The following MATK variants were observed in gnomAD, a reference collection of about 807,000 sequenced individuals.
The protein encoded by MATK is megakaryocyte-associated tyrosine kinase.
MATK carries 41 observed loss-of-function variants against 59.8 expected under a neutral mutation model. The ratio of observed to expected loss-of-function variants is 0.69; its 90% CI spans 0.53 to 0.89. The LOEUF is 0.89. Among genes scored for constraint, MATK ranks in the 40% least tolerant of loss-of-function variants. The pLI, the probability that MATK is intolerant of heterozygous loss-of-function variation, is 0.00. For synonymous variants in MATK, 308 were observed against 306.1 expected (o/e 1.01, Z -0.06); for missense variants, 593 against 719.6 (o/e 0.82, Z 2.01).
intron 7 of MATK, 69 bp downstream of exon 7, chr19:3,783,057 A>C: frequency 6.6e-7 from 1 of 1,503,812 alleles, no homozygotes; most frequent in Non-Finnish European, 9.2e-7. Flanking sequence ...GCGGGGCCCC[A>C]GGGCCCTTCC....
At chr19:3,782,443 T>G (rs1469603976) in intron 7 of MATK, among the ~76,000 whole-genome samples, 1 of 152,244 alleles carries the variant, frequency 6.6e-6, no homozygotes, top group African/African-American at 2.4e-5. Context: ...AGGAGGCATT[T>G]GCTTTTGACC....
upstream of MATK, among the ~76,000 whole-genome samples, chr19:3,788,120 ATAT>A (rs970326962): frequency 5.5e-5 from 8 of 146,682 alleles, no homozygotes; most frequent in African/African-American, 2.0e-4. Flanking sequence ...ATATTATATT[ATAT>A]TATATTATAT....
upstream of MATK, among the ~76,000 whole-genome samples, chr19:3,788,709 C>T (rs903457107): frequency 6.6e-6 from 1 of 151,984 alleles, no homozygotes; most frequent in Admixed American, 6.6e-5. Context: ...GATCCTCCAA[C>T]CTTGGCCTCC....
Position 3,785,071 on chromosome 19 carries a change from A to G in MATK, c.65T>C (p.Leu22Pro). ...AFHGCDSAEELPRVSPRFLRA... is the reference protein window; with the variant it reads ...AFHGCDSAEEPPRVSPRFLRA... ...TGGGGAAGTGATCTTTACCCGGGGA[A>G]GTTCCTCAGCAGAATCACAGCCGTG... The change falls in exon 2 of 14, where the codon CTT (leucine) becomes CCT (proline). Residue 22 changes from leucine to proline, a missense_variant. Physicochemically the swap from Leu to Pro is moderately conservative, Grantham distance 98 (BLOSUM62 -3). Transcript: ENST00000310132. The G allele has an allele frequency of 6.2e-7, 1 of 1,613,992 alleles. No homozygotes were observed. Among genetic ancestry groups the G allele is most frequent in the Non-Finnish European group, 8.5e-7 (1 of 1,179,930 alleles).
intron 1 of MATK, among the ~76,000 whole-genome samples, chr19:3,799,881 G>A (rs563222361): frequency 1.2e-3 from 183 of 151,814 alleles, no homozygotes; most frequent in Non-Finnish European, 1.5e-3. Context: ...GGTGGCTCAC[G>A]CCTGTAATCC....
chr19:3,783,187 G>T lies in MATK; in HGVS notation c.615C>A (p.Thr205=). The part of the protein sequence containing the change: ...HYSKDKGAIC[T]KLVRPKRKHG... ...GTTTCCGCTTTGGTCTCACCAGCTTGGTGCAGATAGCGCCCTTGTCCTTGC... is the reference window on the plus strand; with the variant it reads ...GTTTCCGCTTTGGTCTCACCAGCTTTGTGCAGATAGCGCCCTTGTCCTTGC... The change falls in exon 7 of 14, where the codon ACC becomes ACA. Residue 205 remains threonine, a synonymous_variant. Transcript: ENST00000310132. The T allele has an allele frequency of 6.2e-7, 1 of 1,614,092 alleles. No individual in the cohort carries two copies. Among genetic ancestry groups the T allele is most frequent in the East Asian group, 2.2e-5 (1 of 44,872 alleles).
chr19:3,779,326 A>G, intron 11 of MATK, 52 bp downstream of exon 11: 1 of 1,600,962 alleles, frequency 6.2e-7, no homozygotes, highest in Non-Finnish European at 8.5e-7. Flanking sequence ...TGGATCTTGG[A>G]ATCTGCGCCC....
intron 8 of MATK, among the ~76,000 whole-genome samples, chr19:3,780,362 A>C (rs1026566339): frequency 4.6e-5 from 7 of 152,122 alleles, no homozygotes; most frequent in Non-Finnish European, 1.0e-4. Flanking sequence ...TCGGGGCCAA[A>C]TCTACCTATC....
Position 3,786,242 on chromosome 19 carries a change from C to T in MATK, c.-225G>A. 11 of 985,352 alleles carry T rather than the reference C, an allele frequency of 1.1e-5. No homozygotes were observed. The highest frequency in any genetic ancestry group is 1.2e-5 in the Non-Finnish European group (10 of 829,936). The allele number at this position is 985,352 out of a possible 1,614,324, so 61.0% of individuals were successfully genotyped here. A position where few individuals can be genotyped will look rare whatever the true frequency, so the allele number is the denominator to read the frequency against. ...GGCCTCCGCGAGCCGGCTGCACACCCCGAGGCGGTCCCGGCTGCACAACTT... is the reference window on the plus strand; with the variant it reads ...GGCCTCCGCGAGCCGGCTGCACACCTCGAGGCGGTCCCGGCTGCACAACTT... On this transcript the variant is annotated 5_prime_UTR_variant, in exon 1 of 14. Coordinates refer to ENST00000310132, the MANE Select transcript of MATK (RefSeq NM_139355.3). The surrounding 1 kb of genome is among the most constrained non-coding windows in gnomAD (Gnocchi z 4.1).
Position 3,783,850 on chromosome 19 carries a change from CTCA to C in MATK, c.543_545del (p.Asp181del). ...CCATGAGGTTGCAGAAGAACACGGC[CTCA>C]TCGATTGTGAGGTGGCCGTCGCGGT... is the stretch of plus-strand genomic sequence containing the variant. On this transcript the variant is annotated inframe_deletion, in exon 6 of 14. Transcript: ENST00000310132. 1 of 1,613,072 alleles carries C rather than the reference CTCA, an allele frequency of 6.2e-7. No homozygotes were observed. The highest frequency in any genetic ancestry group is 1.1e-5 in the South Asian group (1 of 91,044).
chr19:3,779,341 G>C (rs775883499), intron 11 of MATK, 37 bp downstream of exon 11: 2 of 1,606,350 alleles, frequency 1.2e-6, no homozygotes, highest in South Asian at 1.1e-5. Context: ...GCGCCCCGAC[G>C]ACCCCAGTGC....
chr19:3,779,627 G>A lies in MATK; in HGVS notation c.843-10C>T, dbSNP rs1430697574. On this transcript the variant is annotated splice_polypyrimidine_tract_variant and intron_variant, in intron 9 of 13. Transcript: ENST00000310132. The stretch of plus-strand genomic sequence containing the variant: ...CTCGTGTTGCATCTTCCTGGGGGCG[G>A]TGGGGTGGGCGTGAGGGCAGGGCTG... 1.2e-6 allele frequency: 2 copies of A among 1,611,792 alleles called. No homozygotes were observed. Among genetic ancestry groups the A allele is most frequent in the Admixed American group, 1.7e-5 (1 of 59,932 alleles).
chr19:3,778,148 C>T lies in MATK; in HGVS notation c.*35G>A, dbSNP rs371005900. ...CCCCACGCCGCACTCTCCACTCTCT[C>T]GGTCCTCTGGGGCCAAGGGCCCCAC... On this transcript the variant is annotated 3_prime_UTR_variant, in exon 14 of 14. Transcript: ENST00000310132. 295 of 1,530,448 alleles carry T rather than the reference C, an allele frequency of 1.9e-4. No homozygotes were observed. The African/African-American group carries it at 3.6e-3, about 19-fold the overall frequency. 94.8% of individuals were successfully genotyped at this position (1,530,448 alleles called of 1,614,324 possible).
chr19:3,785,478 AG>A, intron 1 of MATK, 192 bp from the exon 2 acceptor site: 1 of 369,570 alleles, frequency 2.7e-6, no homozygotes, highest in South Asian at 2.7e-5. Flanking sequence ...TCATTGCTGC[AG>A]GGGTGGGGGA....
rs529389805 is a variant in MATK, at chr19:3,779,504, G to C, written c.927+29C>G. On this transcript the variant is annotated intron_variant, in intron 10 of 13. Coordinates refer to ENST00000310132, the MANE Select transcript of MATK (RefSeq NM_139355.3). ...ATGTTGGGGCTGCTCCGCTGCGTGG[G>C]CCCCCTCCCCGCCTGGGCCCCGCCC... is the stretch of plus-strand genomic sequence containing the variant. 1.3e-4 allele frequency: 210 copies of C among 1,610,524 alleles called. 1 individual carries two copies. In the African/African-American group the frequency reaches 2.5e-3, roughly 19 times the overall value.
At chr19:3,780,593 ATTTTTTTT>A (rs753906037) in intron 8 of MATK, among the ~76,000 whole-genome samples, 1 of 122,248 alleles carries the variant, frequency 8.2e-6, no homozygotes, top group Non-Finnish European at 1.7e-5. Context: ...CGCCCGGCTA[ATTTTTTTT>A]TTTTTTTTTT....
chr19:3,791,656 C>T (rs1782091462), intron 1 of MATK, among the ~76,000 whole-genome samples: 1 of 152,070 alleles, frequency 6.6e-6, no homozygotes, highest in Non-Finnish European at 1.5e-5. Context: ...ACCTCCTCCC[C>T]TTCTTGAGTG....
At chr19:3,788,652 G>C (rs555338770), upstream of MATK, among the ~76,000 whole-genome samples, 40 of 149,178 alleles carry the variant, frequency 2.7e-4, no homozygotes, top group African/African-American at 9.8e-4. Flanking sequence ...ATAGAGATGG[G>C]ATCTGGCTAT....
intron 1 of MATK, 126 bp from the exon 2 acceptor site, chr19:3,785,412 C>T: frequency 5.1e-6 from 3 of 585,410 alleles, no homozygotes; most frequent in East Asian, 3.2e-5. Flanking sequence ...CTCCTCCGGC[C>T]ACCCGCTGAG....
Sources: allele counts gnomAD v4.1 joint callset (sites outside exome capture counted in the v4.1 genomes callset), GRCh38; gene constraint gnomAD v4.1.1; non-coding constraint Gnocchi (gnomAD v3.1); transcripts MANE v1.5; gene names NCBI Gene and HGNC (gene_info 2026-07-23, HGNC 2026-07-21).